Variants in CFI observed in about 807,000 individuals in gnomAD.
The protein encoded by CFI is C3B/C4B inactivator.
A neutral mutation model predicts 78.8 loss-of-function variants in CFI; 66 were observed. The ratio of observed to expected loss-of-function variants is 0.84; its 90% confidence interval spans 0.69 to 1.03. CFI has a LOEUF of 1.03. Ranked by LOEUF, CFI falls within the 50% of genes least tolerant of loss-of-function variation. CFI has a pLI of 0.00. For missense variants in CFI, 706 were observed against 704.5 expected, an observed-to-expected ratio of 1.00 and a Z score of -0.02; for synonymous variants, 250 against 232.6, an observed-to-expected ratio of 1.07 and a Z score of -0.68.
chr4:109,769,834 G>A (rs1450527216), intron 1 of CFI, among the ~76,000 whole-genome samples: 1 of 152,084 alleles, frequency 6.6e-6, no homozygotes, highest in Non-Finnish European at 1.5e-5. Flanking sequence ...ATTGAAACAG[G>A]GCTTGCTCCA....
intron 1 of CFI, among the ~76,000 whole-genome samples, chr4:109,777,214 T>C (rs1729367896): frequency 6.6e-6 from 1 of 152,168 alleles, no homozygotes. Flanking sequence ...CAGTGTGCTG[T>C]ATTCGGGAAA....
chr4:109,742,189 G>T (rs1246278970), intron 12 of CFI: 2 of 345,058 alleles, frequency 5.8e-6, no homozygotes, highest in Non-Finnish European at 1.1e-5. Context: ...ACCTGCTCAA[G>T]GTCACATGAC....
At chr4:109,750,053 A>G (rs1265637878) in intron 8 of CFI, among the ~76,000 whole-genome samples, 1 of 151,720 alleles carries the variant, frequency 6.6e-6, no homozygotes, top group South Asian at 2.1e-4. Flanking sequence ...CTGGAGTGCA[A>G]TGGCACGATC....
At position 109,746,271 on chromosome 4, in the gene CFI, T is replaced by C. The variant is rs1336241963; in HGVS notation, c.1380A>G (p.Leu460=). ...IPACVPWSPY[L]FQPNDTCIVS... ...CGATGCATGTATCATTAGGTTGGAA[T>C]AGGTAAGGAGACCAGGGGACACAGG... Residue 460 remains leucine, a synonymous_variant, in exon 11 of 13, where the codon CTA becomes CTG. Transcript: ENST00000394634. The C allele has an allele frequency of 1.2e-6, 2 of 1,614,074 alleles. No individual in the cohort carries two copies. The highest frequency in any genetic ancestry group is 1.3e-5 in the African/African-American group (1 of 74,934).
intron 1 of CFI, among the ~76,000 whole-genome samples, chr4:109,777,388 T>C (rs4355391): frequency 0.34 from 51,216 of 151,918 alleles, 8,884 homozygotes; most frequent in East Asian, 0.44. Flanking sequence ...ACAAAGAAAG[T>C]CATTACATAT....
chr4:109,782,213 C>T (rs1486423473), intron 1 of CFI, among the ~76,000 whole-genome samples: 1 of 151,818 alleles, frequency 6.6e-6, no homozygotes, highest in African/African-American at 2.4e-5. Context: ...GGCATCCAAA[C>T]CGGTAAAGAG....
Position 109,761,615 on chromosome 4 carries a change from C to G in CFI, c.560G>C (p.Arg187Pro). The G allele has an allele frequency of 1.2e-6, 2 of 1,613,772 alleles. No homozygotes were observed. The highest frequency in any genetic ancestry group is 1.7e-6 in the Non-Finnish European group (2 of 1,179,732). The change falls in exon 4 of 13, where the codon CGA becomes CCA. Residue 187 changes from arginine to proline, a missense_variant. Arg to Pro is a moderately radical substitution (Grantham distance 103). Coordinates refer to ENST00000394634, the MANE Select transcript of CFI (RefSeq NM_000204.5). The stretch of plus-strand genomic sequence containing the variant: ...TTCAGCCAAACTGGTCTCTAATCCT[C>G]GGCAATGCACATGTAGACATTCAGT... ...NSTECLHVHC[R>P]GLETSLAECT...
At position 109,790,531 on chromosome 4, in the gene CFI, C is replaced by G. The variant is rs138656889; in HGVS notation, c.57+11384G>C. Among the ~76,000 whole-genome samples, 799 of 152,146 alleles carry G rather than the reference C, an allele frequency of 5.3e-3. 6 individuals carry two copies. The highest frequency in any genetic ancestry group is 0.018 in the African/African-American group (765 of 41,512). On this transcript the variant is annotated intron_variant, in intron 1 of 12. Transcript: ENST00000394634. ...GGGTTTGTTGTACAGATTATTGTAT[C>G]ACCCAGGTATTAAGCCTAGTAACCA...
downstream of CFI, among the ~76,000 whole-genome samples, chr4:109,737,826 G>A (rs1311037541): frequency 6.6e-6 from 1 of 152,184 alleles, no homozygotes; most frequent in Non-Finnish European, 1.5e-5. Context: ...CAGTTAGATT[G>A]GCTTCTGTAG....
intron 1 of CFI, among the ~76,000 whole-genome samples, chr4:109,787,018 T>C (rs1412516801): frequency 6.6e-6 from 1 of 152,040 alleles, no homozygotes; most frequent in Non-Finnish European, 1.5e-5. Flanking sequence ...GAGAAGAGCA[T>C]GACCAGGCTA....
At chr4:109,736,312 T>A (rs1389394451), downstream of CFI, among the ~76,000 whole-genome samples, 1 of 152,192 alleles carries the variant, frequency 6.6e-6, no homozygotes, top group Admixed American at 6.5e-5. Context: ...TTGGGATGAG[T>A]CAGCCTAATA....
At chr4:109,799,871 G>A (rs1001908848) in intron 1 of CFI, among the ~76,000 whole-genome samples, 2 of 152,088 alleles carry the variant, frequency 1.3e-5, no homozygotes, top group African/African-American at 4.8e-5. Flanking sequence ...AATTAGGGAG[G>A]GTATGGGGCA....
rs1415470283 is a variant in CFI at position 109,752,522 on chromosome 4, T to G, written c.905-19A>C. The G allele has an allele frequency of 4.4e-6, 7 of 1,602,492 alleles. No individual in the cohort carries two copies. Among genetic ancestry groups the G allele is most frequent in the Non-Finnish European group, 6.0e-6 (7 of 1,169,898 alleles). ...GTTTCTTCTATGATAAAACAAAAGA[T>G]TCCAATGTTTAAAGTTGTTAATTAT... On this transcript the variant is annotated intron_variant, in intron 7 of 12. Transcript: ENST00000394634.
intron 8 of CFI, among the ~76,000 whole-genome samples, chr4:109,751,438 CTTT>C (rs66497003): frequency 1.7e-4 from 17 of 100,342 alleles, no homozygotes; most frequent in Middle Eastern, 7.1e-3. Flanking sequence ...AGAGCTAAAT[CTTT>C]TTTTTTTTTT....
chr4:109,737,009 C>T (rs1368195473), downstream of CFI, among the ~76,000 whole-genome samples: 1 of 152,104 alleles, frequency 6.6e-6, no homozygotes, highest in Non-Finnish European at 1.5e-5. Flanking sequence ...TCTATTTGTC[C>T]CCAAATGCCA....
chr4:109,756,250 G>A (rs1217674213), intron 7 of CFI, among the ~76,000 whole-genome samples: 1 of 151,480 alleles, frequency 6.6e-6, no homozygotes, highest in African/African-American at 2.4e-5. Context: ...ATAAGGAGCT[G>A]AGGAGTATCA....
At position 109,783,811 on chromosome 4, in the gene CFI, T is replaced by TAATATATATATATATATATATA. The variant is rs750346105; in HGVS notation, c.58-16988_58-16987insTATATATATATATATATATATT. Among the ~76,000 whole-genome samples, 249 of 105,776 alleles carry TAATATATATATATATATATATA rather than the reference T, an allele frequency of 2.4e-3. 24 individuals are homozygous for TAATATATATATATATATATATA. Among genetic ancestry groups the TAATATATATATATATATATATA allele is most frequent in the African/African-American group, 8.8e-3 (232 of 26,504 alleles). The allele number at this position is 105,776 out of a possible 152,430, so 69.4% of individuals were successfully genotyped here. ...ATTCAATGAGTGGATAAAGAAACTG[T>TAATATATATATATATATATATA]GATATATATATATATATATATATGA... On this transcript the variant is annotated intron_variant, in intron 1 of 12. Coordinates refer to ENST00000394634, the MANE Select transcript of CFI (RefSeq NM_000204.5).
the CFI span, among the ~76,000 whole-genome samples, chr4:109,733,226 G>A: frequency 6.6e-6 from 1 of 152,114 alleles, no homozygotes; most frequent in South Asian, 2.1e-4. Context: ...CCCTGCCTTG[G>A]CCTCCCAAAG....
At chr4:109,751,058 T>G (rs1407297673) in intron 8 of CFI, among the ~76,000 whole-genome samples, 2 of 152,168 alleles carry the variant, frequency 1.3e-5, no homozygotes. Context: ...CTTGTCTCAC[T>G]GTTGTCCAGG....
Sources: gnomAD v4.1 joint callset for allele counts (sites outside exome capture counted in the v4.1 genomes callset) on GRCh38, gnomAD v4.1.1 for gene constraint, MANE v1.5 for transcripts, NCBI Gene and HGNC (gene_info 2026-07-23, HGNC 2026-07-21) for gene names.